The following CTNNBL1 variants were observed in gnomAD, a reference collection of about 807,000 sequenced individuals.
The protein encoded by CTNNBL1 is beta-catenin-like protein 1.
In CTNNBL1, 31 loss-of-function variants were observed where a neutral mutation model predicts 72.7. The observed-to-expected ratio is 0.43, with a 90% CI of 0.32 to 0.58. The LOEUF (loss-of-function observed/expected upper bound fraction) is 0.58. Among genes scored for constraint, CTNNBL1 ranks in the 20% least tolerant of loss-of-function variants. CTNNBL1 has a pLI of 0.08. For synonymous variants in CTNNBL1, 240 were observed against 267.3 expected, an observed-to-expected ratio of 0.90 and a Z score of 1.00; for missense variants, 534 against 725.1, an observed-to-expected ratio of 0.74 and a Z score of 3.03.
chr20:37,770,707 T>A (rs762454167), intron 7 of CTNNBL1, among the ~76,000 whole-genome samples: 10 of 152,196 alleles, frequency 6.6e-5, no homozygotes, highest in Non-Finnish European at 1.5e-4. Context: ...ATTGATGTAA[T>A]CCTCGGGGCA....
At chr20:37,854,908 A>G (rs1439932413) in intron 13 of CTNNBL1, among the ~76,000 whole-genome samples, 1 of 151,946 alleles carries the variant, frequency 6.6e-6, no homozygotes, top group Non-Finnish European at 1.5e-5. Context: ...AATATTTCTG[A>G]GAAGTAAAGG....
intron 15 of CTNNBL1, among the ~76,000 whole-genome samples, chr20:37,870,738 G>T (rs1162625988): frequency 6.6e-6 from 1 of 152,064 alleles, no homozygotes; most frequent in African/African-American, 2.4e-5. Flanking sequence ...AGGACCCACC[G>T]CACAGAAAGG....
At chr20:37,864,614 C>G (rs1340628781) in intron 15 of CTNNBL1, among the ~76,000 whole-genome samples, 1 of 152,222 alleles carries the variant, frequency 6.6e-6, no homozygotes, top group East Asian at 1.9e-4. Flanking sequence ...CCAGAACCAG[C>G]AGCAGCTCTG....
At chr20:37,816,857 A>G (rs2072064446) in intron 11 of CTNNBL1, among the ~76,000 whole-genome samples, 1 of 151,980 alleles carries the variant, frequency 6.6e-6, no homozygotes, top group Non-Finnish European at 1.5e-5. Flanking sequence ...TATGTTAAGT[A>G]TGCCTGCTGG....
chr20:37,831,895 T>C (rs2072213563), intron 11 of CTNNBL1, among the ~76,000 whole-genome samples: 1 of 152,186 alleles, frequency 6.6e-6, no homozygotes, highest in Non-Finnish European at 1.5e-5. Flanking sequence ...AGATCACACA[T>C]TGTATTTTCA....
At chr20:37,779,123 G>C (rs1568776540) in intron 9 of CTNNBL1, 64 bp from the exon 10 acceptor site, 2 of 1,540,798 alleles carry the variant, frequency 1.3e-6, no homozygotes, top group Admixed American at 1.7e-5. Context: ...GGAATTGTTG[G>C]ATGGAGGCTC....
intron 5 of CTNNBL1, among the ~76,000 whole-genome samples, chr20:37,764,471 C>T (rs927381761): frequency 6.6e-6 from 1 of 152,176 alleles, no homozygotes; most frequent in Non-Finnish European, 1.5e-5. Flanking sequence ...TTTGCCTCCA[C>T]TGCTCCATAG....
At chr20:37,844,425 T>C (rs2072330219) in intron 13 of CTNNBL1, among the ~76,000 whole-genome samples, 1 of 152,096 alleles carries the variant, frequency 6.6e-6, no homozygotes, top group Non-Finnish European at 1.5e-5. Flanking sequence ...GTTTGGTAAC[T>C]CTGCCATTTT....
chr20:37,860,604 A>T (rs1001080377), intron 15 of CTNNBL1, among the ~76,000 whole-genome samples: 3 of 152,250 alleles, frequency 2.0e-5, no homozygotes, highest in East Asian at 1.9e-4. Context: ...AGTTGTTAAA[A>T]TTTTTTAAAA....
Position 37,694,050 on chromosome 20 carries a change from TG to T in CTNNBL1, c.-71del. 6.5e-7 allele frequency: 1 copy of T among 1,538,492 alleles called. No individual in the cohort carries two copies. Among genetic ancestry groups the T allele is most frequent in the Non-Finnish European group, 8.9e-7 (1 of 1,127,980 alleles). On this transcript the variant is annotated 5_prime_UTR_variant, in exon 1 of 16. Coordinates refer to ENST00000361383, the MANE Select transcript of CTNNBL1 (RefSeq NM_030877.5). ...TCGCCGCACTTTACGGCAGTGTGGC[TG>T]GAGCCGCGGCTGACGGGCCCGCGGT...
At chr20:37,801,013 G>C (rs560999547) in intron 10 of CTNNBL1, among the ~76,000 whole-genome samples, 8 of 152,218 alleles carry the variant, frequency 5.3e-5, no homozygotes, top group African/African-American at 1.7e-4. Flanking sequence ...AGAGATCCAC[G>C]CCAGTCATTC....
At chr20:37,788,849 G>T (rs886248275) in intron 10 of CTNNBL1, among the ~76,000 whole-genome samples, 2 of 152,026 alleles carry the variant, frequency 1.3e-5, no homozygotes, top group African/African-American at 4.8e-5. Context: ...TTACCTACTC[G>T]CCCTTACCTC....
At chr20:37,749,317 G>C (rs1600462181) in intron 4 of CTNNBL1, among the ~76,000 whole-genome samples, 1 of 152,260 alleles carries the variant, frequency 6.6e-6, no homozygotes, top group Admixed American at 6.5e-5. Flanking sequence ...AATAATAGTA[G>C]CTGCTTTTGG....
At chr20:37,801,342 C>T (rs2073821869) in intron 10 of CTNNBL1, among the ~76,000 whole-genome samples, 1 of 151,904 alleles carries the variant, frequency 6.6e-6, no homozygotes, top group South Asian at 2.1e-4. Context: ...GTAAATATTG[C>T]ATATTGGTTT....
chr20:37,834,324 T>G (rs17786824), intron 11 of CTNNBL1, among the ~76,000 whole-genome samples: 2,913 of 152,300 alleles, frequency 0.019, 41 homozygotes, highest in Non-Finnish European at 0.033. Flanking sequence ...GGAAAATTAT[T>G]GAGAAGTTCT....
intron 10 of CTNNBL1, among the ~76,000 whole-genome samples, chr20:37,783,171 A>G (rs2122699307): frequency 6.6e-6 from 1 of 152,326 alleles, no homozygotes; most frequent in Non-Finnish European, 1.5e-5. Flanking sequence ...TTGGCCTCCC[A>G]AAGTGCTGGA....
chr20:37,739,915 A>G (rs780343670), intron 3 of CTNNBL1, among the ~76,000 whole-genome samples: 28 of 152,192 alleles, frequency 1.8e-4, no homozygotes, highest in Non-Finnish European at 3.4e-4. Flanking sequence ...GCTGCGGGTA[A>G]TGATACTGGA....
At chr20:37,844,855 CGA>C (rs2122824437) in intron 13 of CTNNBL1, among the ~76,000 whole-genome samples, 1 of 152,192 alleles carries the variant, frequency 6.6e-6, no homozygotes, top group African/African-American at 2.4e-5. Flanking sequence ...GGCTGAGGCA[CGA>C]GAGTCACTTG....
intron 15 of CTNNBL1, among the ~76,000 whole-genome samples, chr20:37,861,078 G>A (rs2072487698): frequency 6.6e-6 from 1 of 152,214 alleles, no homozygotes; most frequent in African/African-American, 2.4e-5. Flanking sequence ...GTGGAGTGGT[G>A]GAGAGTATGC....
Sources: allele counts gnomAD v4.1 joint callset (sites outside exome capture counted in the v4.1 genomes callset), GRCh38; gene constraint gnomAD v4.1.1; transcripts MANE v1.5; gene names NCBI Gene and HGNC (gene_info 2026-07-23, HGNC 2026-07-21).